Variants in AXIN1 observed in about 807,000 individuals in gnomAD.
The protein encoded by AXIN1 is axin-1.
In AXIN1, 30 loss-of-function variants were observed where a neutral mutation model predicts 76.4. That is an observed-to-expected ratio of 0.39 (90% CI 0.29 to 0.53). AXIN1 has a LOEUF of 0.53. Ranked by LOEUF, AXIN1 falls within the 20% of genes least tolerant of loss-of-function variation. The pLI is 0.66. For missense variants in AXIN1, 1,140 were observed against 1,198.8 expected (o/e 0.95, Z 0.72); for synonymous variants, 545 against 501.4 (o/e 1.09, Z -1.16).
intron 2 of AXIN1, among the ~76,000 whole-genome samples, chr16:329,255 C>T (rs139042020): frequency 3.6e-4 from 42 of 116,364 alleles, no homozygotes; most frequent in African/African-American, 1.1e-3. Context: ...CCAGCCTGGG[C>T]GACAGAGCGA....
chr16:336,443 G>A (rs552582263), intron 2 of AXIN1, among the ~76,000 whole-genome samples: 3 of 152,298 alleles, frequency 2.0e-5, no homozygotes, highest in South Asian at 4.1e-4. Context: ...TGACCATCAC[G>A]TGGCTGTGCT....
intron 2 of AXIN1, among the ~76,000 whole-genome samples, chr16:328,897 G>A (rs1011359250): frequency 6.6e-6 from 1 of 152,040 alleles, no homozygotes; most frequent in African/African-American, 2.4e-5. Flanking sequence ...CAGGAGAGAT[G>A]GCGGGCAGGG....
chr16:326,066 T>TAA (rs1338416255), intron 2 of AXIN1, among the ~76,000 whole-genome samples: 1 of 151,992 alleles, frequency 6.6e-6, no homozygotes, highest in Non-Finnish European at 1.5e-5. Flanking sequence ...ACTATATATA[T>TAA]AACAAGGGCC....
chr16:351,874 G>A (rs2054152127), intron 1 of AXIN1, among the ~76,000 whole-genome samples: 1 of 152,158 alleles, frequency 6.6e-6, no homozygotes, highest in African/African-American at 2.4e-5. Context: ...TGGTTTCACG[G>A]GGGCTAAATT....
chr16:327,473 T>C (rs1294572689), intron 2 of AXIN1, among the ~76,000 whole-genome samples: 1 of 152,162 alleles, frequency 6.6e-6, no homozygotes, highest in Non-Finnish European at 1.5e-5. Flanking sequence ...CGGCCAGCCT[T>C]TTCTTTGTTT....
At position 328,494 on chromosome 16, in the gene AXIN1, G is replaced by C. The variant is rs375190011; in HGVS notation, c.879-13811C>G. 3.6e-4 allele frequency among the ~76,000 whole-genome samples: 54 copies of C among 149,880 alleles called. No individual in the cohort carries two copies. In the East Asian group the frequency reaches 9.6e-3, roughly 27 times the overall value. On this transcript the variant is annotated intron_variant, in intron 2 of 10. Coordinates refer to ENST00000262320, the MANE Select transcript of AXIN1 (RefSeq NM_003502.4). The stretch of plus-strand genomic sequence containing the variant: ...GCGGATCACCTGAGGTTGGGAGTTC[G>C]CAACCAGCCTGACCAACATGGAGAA...
chr16:323,776 C>CCA (rs10673343), intron 2 of AXIN1, among the ~76,000 whole-genome samples: 33,042 of 148,056 alleles, frequency 0.22, 3,761 homozygotes, highest in Middle Eastern at 0.32. Flanking sequence ...TGAGACTCCA[C>CCA]CACACACACA....
intron 2 of AXIN1, among the ~76,000 whole-genome samples, chr16:321,056 C>T (rs540676414): frequency 1.3e-5 from 2 of 152,164 alleles, no homozygotes; most frequent in East Asian, 3.9e-4. Flanking sequence ...TGTTTCATGC[C>T]AAAAGACCAC....
intron 4 of AXIN1, among the ~76,000 whole-genome samples, chr16:309,059 A>G (rs569998106): frequency 1.5e-4 from 23 of 152,276 alleles, no homozygotes; most frequent in Non-Finnish European, 2.6e-4. Flanking sequence ...TGCGTTGCGC[A>G]GTGGCTCACA....
chr16:314,020 A>G (rs959474377), intron 3 of AXIN1, among the ~76,000 whole-genome samples: 7 of 152,098 alleles, frequency 4.6e-5, no homozygotes, highest in Admixed American at 2.6e-4. Context: ...CAGAAACGCC[A>G]CCCTCAGGGA....
At position 314,656 on chromosome 16, in the gene AXIN1, G is replaced by T. The variant is rs2053259761; in HGVS notation, c.906C>A (p.Asn302Lys). 3.7e-6 allele frequency: 6 copies of T among 1,613,912 alleles called. No homozygotes were observed. The East Asian group carries it at 1.3e-4, about 36-fold the overall frequency. Residue 302 changes from asparagine to lysine, a missense_variant, in exon 3 of 11, where the codon AAC (asparagine) becomes AAA (lysine). Physicochemically the swap from Asn to Lys is moderately conservative, Grantham distance 94. Around this residue, in one of 3 missense-constraint regions of AXIN1, gnomAD observed 708 missense variants for 776.9 expected, o/e 0.91. Coordinates refer to ENST00000262320, the MANE Select transcript of AXIN1 (RefSeq NM_003502.4). ...CATAGCCGGCATTGACATAATAGGG[G>T]TTGACTGGCTCCCGCCAGGATCCAT... ...FRYGSWREPV[N>K]PYYVNAGYAL...
intron 2 of AXIN1, among the ~76,000 whole-genome samples, chr16:326,394 T>TATAC (rs144093618): frequency 7.5e-5 from 9 of 119,662 alleles, no homozygotes; most frequent in African/African-American, 2.5e-4. Context: ...TATATATATA[T>TATAC]ACACACCTAT....
chr16:341,191 A>G (rs2053910963), intron 2 of AXIN1, among the ~76,000 whole-genome samples: 1 of 152,212 alleles, frequency 6.6e-6, no homozygotes, highest in South Asian at 2.1e-4. Flanking sequence ...TCAGCCCACC[A>G]CTGCACTGTG....
chr16:329,349 G>GA lies in AXIN1; in HGVS notation c.879-14667dup, dbSNP rs1232320018. ...CATGAATTAGGATCCCATTTTTGAT[G>GA]AAAAAAATGTGCTAAGAAAAATCTA... is the stretch of plus-strand genomic sequence containing the variant. On this transcript the variant is annotated intron_variant, in intron 2 of 10. Coordinates refer to ENST00000262320, the MANE Select transcript of AXIN1 (RefSeq NM_003502.4). 3.3e-5 allele frequency among the ~76,000 whole-genome samples: 5 copies of GA among 149,460 alleles called. No homozygotes were observed. In the South Asian group the frequency reaches 6.4e-4, roughly 19 times the overall value.
rs1160412100 is a variant in AXIN1, at chr16:287,881, T to G, written c.*241A>C. The G allele has an allele frequency of 1.6e-6, 1 of 622,858 alleles. No individual in the cohort carries two copies. The highest frequency in any genetic ancestry group is 2.8e-6 in the Non-Finnish European group (1 of 357,990). The allele number at this position is 622,858 out of a possible 1,614,324, so 38.6% of individuals were successfully genotyped here. On this transcript the variant is annotated 3_prime_UTR_variant, in exon 11 of 11. Coordinates refer to ENST00000262320, the MANE Select transcript of AXIN1 (RefSeq NM_003502.4). ...GGGACCTCGGCTGCCTCACTTGGGC[T>G]GGGCCCTCCAAGTATTGCTATGAGG...
At chr16:289,354 T>G in intron 10 of AXIN1, 86 bp downstream of exon 10, 1 of 1,558,124 alleles carries the variant, frequency 6.4e-7, no homozygotes, top group Non-Finnish European at 8.8e-7. Flanking sequence ...CGTGAGCCAC[T>G]GTGCCCGGCT....
At position 298,022 on chromosome 16, in the gene AXIN1, T is replaced by G. The variant is rs367911882; in HGVS notation, c.1484A>C (p.Asp495Ala). Residue 495 changes from aspartate (D) to alanine (A), a missense_variant, in exon 6 of 11, where the codon GAC (aspartate) becomes GCC (alanine). Asp to Ala is a moderately radical substitution (Grantham distance 126). Coordinates refer to ENST00000262320, the MANE Select transcript of AXIN1 (RefSeq NM_003502.4). Reference sequence around the variant, plus strand: ...TGGCATCTTGGCCACGTGCCCACTGTCCGGGGAGCGATGGCCAGGCCCAGG... The same window carrying G: ...TGGCATCTTGGCCACGTGCCCACTGGCCGGGGAGCGATGGCCAGGCCCAGG... Reference protein sequence around the residue: ...QSPGPGHRSPDSGHVAKMPVA... With the variant: ...QSPGPGHRSPASGHVAKMPVA... 3 of 1,594,638 alleles carry G rather than the reference T, an allele frequency of 1.9e-6. No individual in the cohort carries two copies. Among genetic ancestry groups the G allele is most frequent in the Non-Finnish European group, 2.6e-6 (3 of 1,176,186 alleles).
intron 2 of AXIN1, among the ~76,000 whole-genome samples, chr16:344,296 G>T (rs1309095272): frequency 6.6e-6 from 1 of 151,464 alleles, no homozygotes. Context: ...CCGGCATGGT[G>T]GCGGGCGCCT....
intron 3 of AXIN1, among the ~76,000 whole-genome samples, chr16:311,766 G>A (rs1384851065): frequency 1.3e-5 from 2 of 152,086 alleles, no homozygotes; most frequent in East Asian, 1.9e-4. Context: ...GCAAGACTAC[G>A]TCTCAAAAAA....
Sources: allele counts gnomAD v4.1 joint callset (sites outside exome capture counted in the v4.1 genomes callset), GRCh38; gene constraint gnomAD v4.1.1; regional missense constraint gnomAD v4.1.1; transcripts MANE v1.5; gene names NCBI Gene and HGNC (gene_info 2026-07-23, HGNC 2026-07-21).